The following MPRIP variants were observed in gnomAD, a reference collection of about 807,000 sequenced individuals.
MPRIP encodes the protein myosin phosphatase Rho interacting protein.
A neutral mutation model predicts 234.9 loss-of-function variants in MPRIP; 59 were observed. The ratio of observed to expected loss-of-function variants is 0.25; its 90% CI spans 0.20 to 0.31. The LOEUF (loss-of-function observed/expected upper bound fraction) is 0.31. Among genes scored for constraint, MPRIP ranks in the 10% least tolerant of loss-of-function variants. The probability of loss-of-function intolerance (pLI) is 1.00; values close to 1 mark genes in which losing one functional copy is unlikely to be tolerated. For synonymous variants in MPRIP, 1,144 were observed against 1,263.9 expected (o/e 0.91, Z 2.01); for missense variants, 2,436 against 3,071.0 (o/e 0.79, Z 4.89).
Position 17,049,505 on chromosome 17 carries a change from C to G in MPRIP, c.123+6534C>G, listed in dbSNP as rs891808026. On this transcript the variant is annotated intron_variant, in intron 1 of 23. Transcript: ENST00000651222. ...GTGAATATCTGATTGTTTCTAGAGT[C>G]TAGACCAAGGCTTGGCAATTTTTTT... Among the ~76,000 whole-genome samples, 10 of 152,182 alleles carry G rather than the reference C, an allele frequency of 6.6e-5. 1 individual carries two copies. Among genetic ancestry groups the G allele is most frequent in the African/African-American group, 2.4e-4 (10 of 41,448 alleles).
intron 1 of MPRIP, among the ~76,000 whole-genome samples, chr17:17,065,381 A>ATT (rs59705934): frequency 6.3e-5 from 7 of 111,804 alleles, no homozygotes; most frequent in African/African-American, 1.0e-4. Flanking sequence ...GCTTGAGATG[A>ATT]TTTTTTTTTT....
At chr17:17,127,148 A>G (rs2090508144) in intron 4 of MPRIP, among the ~76,000 whole-genome samples, 2 of 152,194 alleles carry the variant, frequency 1.3e-5, no homozygotes, top group Admixed American at 6.5e-5. Context: ...TCCACCTGGA[A>G]GGGGATCAGT....
intron 3 of MPRIP, among the ~76,000 whole-genome samples, chr17:17,090,883 G>C (rs2089699379): frequency 6.6e-6 from 1 of 152,134 alleles, no homozygotes; most frequent in South Asian, 2.1e-4. Flanking sequence ...CTAGCCTGAA[G>C]GTTTTGGAGC....
intron 1 of MPRIP, 66 bp from the exon 2 acceptor site, chr17:17,075,644 A>T: frequency 7.2e-7 from 1 of 1,384,498 alleles, no homozygotes; most frequent in South Asian, 1.2e-5. Context: ...GCTTGCTGTT[A>T]ACTTGACCTG....
At chr17:17,083,316 T>C (rs1209949854) in intron 3 of MPRIP, among the ~76,000 whole-genome samples, 1 of 152,210 alleles carries the variant, frequency 6.6e-6, no homozygotes, top group Non-Finnish European at 1.5e-5. Context: ...TGTACTTGTG[T>C]ATAAAGTAAA....
intron 1 of MPRIP, among the ~76,000 whole-genome samples, chr17:17,064,875 G>C (rs145999584): frequency 2.2e-3 from 336 of 152,260 alleles, no homozygotes; most frequent in Middle Eastern, 6.8e-3. Context: ...AAATATCCAG[G>C]AGTGCAGTTC....
At chr17:17,184,728 C>T in intron 23 of MPRIP, 95 bp from the exon 24 acceptor site, 7 of 894,222 alleles carry the variant, frequency 7.8e-6, no homozygotes, top group Non-Finnish European at 1.3e-5. Context: ...CTGACTGATG[C>T]CGGCTCCACC....
rs556119036 is a variant in MPRIP, at chr17:17,085,810, G to A, written c.267+7734G>A. On this transcript the variant is annotated intron_variant, in intron 3 of 23. Coordinates refer to ENST00000651222, the MANE Select transcript of MPRIP (RefSeq NM_001364716.4). ...TGCCTGTACTCCCAGCTACTCTGGA[G>A]GCTGAGGCAGGAGAATGGCATGATC... Among the ~76,000 whole-genome samples, 10 of 152,326 alleles carry A rather than the reference G, an allele frequency of 6.6e-5. No homozygotes were observed. The East Asian group carries it at 1.9e-3, about 29-fold the overall frequency.
chr17:17,112,151 GC>G (rs1275239344), intron 3 of MPRIP, among the ~76,000 whole-genome samples: 3 of 152,114 alleles, frequency 2.0e-5, no homozygotes, highest in Non-Finnish European at 4.4e-5. Context: ...CCTCATACTT[GC>G]GGGACAGAAC....
chr17:17,102,314 A>G (rs1290748186), intron 3 of MPRIP, among the ~76,000 whole-genome samples: 3 of 152,190 alleles, frequency 2.0e-5, no homozygotes, highest in Non-Finnish European at 4.4e-5. Context: ...CCTTTGGCCT[A>G]CATGAGCACC....
At chr17:17,111,307 G>C (rs1338890159) in intron 3 of MPRIP, among the ~76,000 whole-genome samples, 1 of 150,408 alleles carries the variant, frequency 6.6e-6, no homozygotes, top group Non-Finnish European at 1.5e-5. Context: ...TGCTAAGAAG[G>C]ACCTGGAAAG....
intron 9 of MPRIP, 40 bp from the exon 10 acceptor site, chr17:17,145,996 A>C (rs373464616): frequency 8.1e-6 from 13 of 1,598,150 alleles, no homozygotes; most frequent in African/African-American, 1.3e-5. Flanking sequence ...TGACACTAGA[A>C]GAGTTTCCTC....
chr17:17,075,050 T>G (rs2089295720), intron 1 of MPRIP, among the ~76,000 whole-genome samples: 1 of 152,212 alleles, frequency 6.6e-6, no homozygotes, highest in East Asian at 1.9e-4. Context: ...TTTAACTTTC[T>G]GAGGAACTGC....
At position 17,164,951 on chromosome 17, in the gene MPRIP, C is replaced by T. The variant is rs968073965; in HGVS notation, c.3360C>T (p.Arg1120=). 6.9e-6 allele frequency: 9 copies of T among 1,303,700 alleles called. No individual in the cohort carries two copies. Among genetic ancestry groups the T allele is most frequent in the East Asian group, 1.1e-4 (2 of 18,020 alleles). The allele number at this position is 1,303,700 out of a possible 1,614,324, so 80.8% of individuals were successfully genotyped here. ...AGCGGTTCCAGGAGCTGACAGAGCG[C>T]GTGGCCACGTCCGACGAGGATGTGG... The part of the protein sequence containing the change: ...LRQRFQELTE[R]VATSDEDVAE... The change falls in exon 16 of 24, where the codon CGC becomes CGT. Residue 1120 remains arginine (R), a synonymous_variant. Coordinates refer to ENST00000651222, the MANE Select transcript of MPRIP (RefSeq NM_001364716.4).
At position 17,169,623 on chromosome 17, in the gene MPRIP, G is replaced by A. The variant is rs2046085965; in HGVS notation, c.6324+1708G>A. 1.3e-5 allele frequency among the ~76,000 whole-genome samples: 2 copies of A among 152,252 alleles called. 1 individual carries two copies. The highest frequency in any genetic ancestry group is 1.3e-4 in the Admixed American group (2 of 15,284). On this transcript the variant is annotated intron_variant, in intron 16 of 23. Coordinates refer to ENST00000651222, the MANE Select transcript of MPRIP (RefSeq NM_001364716.4). ...ACTCCCTGCTGCCTTAGCTGCCGTT[G>A]CATAGTGTCCCCTCCTGTGCCTGGG...
At chr17:17,119,897 C>T (rs923930908) in intron 3 of MPRIP, among the ~76,000 whole-genome samples, 1 of 152,202 alleles carries the variant, frequency 6.6e-6, no homozygotes, top group African/African-American at 2.4e-5. Flanking sequence ...TGTGTGTGCT[C>T]ATCATGGTGT....
chr17:17,101,484 C>T (rs1331544612), intron 3 of MPRIP, among the ~76,000 whole-genome samples: 6 of 152,198 alleles, frequency 3.9e-5, no homozygotes, highest in African/African-American at 1.4e-4. Flanking sequence ...GCAGGAGAAT[C>T]GCTTGAACTC....
Position 17,167,240 on chromosome 17 carries a change from A to G in MPRIP, c.5649A>G (p.Ala1883=), listed in dbSNP as rs536932370. Residue 1883 remains alanine, a synonymous_variant, in exon 16 of 24, where the codon GCA becomes GCG. Coordinates refer to ENST00000651222, the MANE Select transcript of MPRIP (RefSeq NM_001364716.4). This position sits in a 1 kb window ranked among gnomAD's most constrained non-coding sequence, Gnocchi z 5.9. ...REPSCSEQAQ[A]ARALREEYEE... The stretch of plus-strand genomic sequence containing the variant: ...CCTCCTGCTCAGAGCAGGCACAGGC[A>G]GCCCGGGCCCTGAGGGAGGAGTATG... The G allele has an allele frequency of 7.6e-5, 99 of 1,304,000 alleles. 1 individual carries two copies. In the South Asian group the frequency reaches 1.1e-3, roughly 15 times the overall value. The allele number at this position is 1,304,000 out of a possible 1,614,324, so 80.8% of individuals were successfully genotyped here. A position where few individuals can be genotyped will look rare whatever the true frequency, so the allele number is the denominator to read the frequency against.
At chr17:17,137,370 C>G (rs1231246720) in intron 6 of MPRIP, among the ~76,000 whole-genome samples, 1 of 152,088 alleles carries the variant, frequency 6.6e-6, no homozygotes, top group Non-Finnish European at 1.5e-5. Context: ...AAAAATTAGC[C>G]AGATGTGGGG....
Sources: gnomAD v4.1 joint callset for allele counts (sites outside exome capture counted in the v4.1 genomes callset) on GRCh38, gnomAD v4.1.1 for gene constraint, Gnocchi (gnomAD v3.1) non-coding constraint, MANE v1.5 for transcripts, NCBI Gene and HGNC (gene_info 2026-07-23, HGNC 2026-07-21) for gene names.